RADIL: variants seen among roughly 807,000 people sequenced by gnomAD.
RADIL encodes ras-associating and dilute domain-containing protein.
Under a neutral mutation model 97.6 loss-of-function variants are expected in RADIL, and 99 were observed. That is an observed-to-expected ratio of 1.01 (90% CI 0.86 to 1.20). The LOEUF (loss-of-function observed/expected upper bound fraction) is 1.20. RADIL is among the 50% of genes most tolerant of loss of function. The pLI is 0.00. For missense variants in RADIL, 1,765 were observed against 1,498.9 expected, an observed-to-expected ratio of 1.18 and a Z score of -2.93; for synonymous variants, 803 against 691.8, an observed-to-expected ratio of 1.16 and a Z score of -2.52.
intron 2 of RADIL, among the ~76,000 whole-genome samples, chr7:4,847,416 T>C (rs1470607767): frequency 6.6e-6 from 1 of 152,174 alleles, no homozygotes; most frequent in African/African-American, 2.4e-5. Flanking sequence ...GGTGCAGCCA[T>C]TGTGGAGAAC....
intron 5 of RADIL, among the ~76,000 whole-genome samples, chr7:4,826,704 G>T (rs572797908): frequency 1.9e-4 from 28 of 148,356 alleles, no homozygotes; most frequent in Non-Finnish European, 2.7e-4. Context: ...CTATACTCCA[G>T]CTTGGGCAAC....
rs941885834 is a variant in RADIL, at chr7:4,849,804, C to G, written c.536-13199G>C. ...TTTCTGCGTACGCACAAAACGAACACAGATCACAATCTGTGTTGAAATAAA... is the reference window on the plus strand; with the variant it reads ...TTTCTGCGTACGCACAAAACGAACAGAGATCACAATCTGTGTTGAAATAAA... On this transcript the variant is annotated intron_variant, in intron 2 of 14. Transcript: ENST00000399583. This position sits in a 1 kb window ranked among gnomAD's most constrained non-coding sequence, Gnocchi z 5.4. Among the ~76,000 whole-genome samples, 27 of 152,144 alleles carry G rather than the reference C, an allele frequency of 1.8e-4. No homozygotes were observed. Among genetic ancestry groups the G allele is most frequent in the African/African-American group, 6.0e-4 (25 of 41,438 alleles).
intron 2 of RADIL, among the ~76,000 whole-genome samples, chr7:4,876,730 C>T (rs1044467658): frequency 5.3e-5 from 8 of 152,374 alleles, no homozygotes; most frequent in East Asian, 3.9e-4. Flanking sequence ...CAACGCCACC[C>T]GTGCTCTCGG....
intron 5 of RADIL, among the ~76,000 whole-genome samples, chr7:4,826,456 G>C (rs1261490559): frequency 6.6e-6 from 1 of 152,132 alleles, no homozygotes; most frequent in Non-Finnish European, 1.5e-5. Flanking sequence ...TCAGAAGCCA[G>C]TTGTGATGGC....
At chr7:4,881,489 G>A (rs1784486231) in intron 1 of RADIL, among the ~76,000 whole-genome samples, 2 of 151,496 alleles carry the variant, frequency 1.3e-5, no homozygotes, top group African/African-American at 4.9e-5. Context: ...CTCTTTGGGA[G>A]GCCGAGGCGG....
At chr7:4,803,016 A>C (rs1782163663) in intron 11 of RADIL, among the ~76,000 whole-genome samples, 1 of 55,612 alleles carries the variant, frequency 1.8e-5, no homozygotes, top group African/African-American at 1.8e-4. Context: ...CTCCCCGGGC[A>C]CCTCAGGGCA....
At chr7:4,811,625 C>G in intron 9 of RADIL, among the ~76,000 whole-genome samples, 1 of 150,710 alleles carries the variant, frequency 6.6e-6, no homozygotes. Flanking sequence ...GTAGCTGGGA[C>G]TACAGGCGCC....
rs1283015657 is a variant in RADIL, at chr7:4,797,445, C to CT, written c.*1932dup. 6.6e-6 allele frequency: 1 copy of CT among 152,220 alleles called. No individual in the cohort carries two copies. Among genetic ancestry groups the CT allele is most frequent in the Non-Finnish European group, 1.5e-5 (1 of 68,032 alleles). 9.4% of individuals were successfully genotyped at this position (152,220 alleles called of 1,614,324 possible). On this transcript the variant is annotated 3_prime_UTR_variant, in exon 15 of 15. Transcript: ENST00000399583. ...TTGCAGGGAAGAAGAGATAAGCCCC[C>CT]TTCTCTTTGTGGGAGGAACTGTTGG... is the stretch of plus-strand genomic sequence containing the variant.
intron 2 of RADIL, chr7:4,862,069 G>A: frequency 5.3e-6 from 2 of 376,652 alleles, no homozygotes; most frequent in Non-Finnish European, 9.4e-6. Context: ...CGCCGCCAGC[G>A]CGAGGGCTCA....
chr7:4,805,565 C>A lies in RADIL; in HGVS notation c.2290+1G>T, dbSNP rs751187157. 1 of 1,594,772 alleles carries A rather than the reference C, an allele frequency of 6.3e-7. No homozygotes were observed. The highest frequency in any genetic ancestry group is 8.6e-7 in the Non-Finnish European group (1 of 1,168,748). On this transcript the variant is annotated splice_donor_variant, in intron 10 of 14. Transcript: ENST00000399583. LOFTEE classifies it high-confidence loss of function. ...CTCTCCTGCCCTGGGGCAGGGCTTA[C>A]CTGACCTGAAGGCCTCGGGGCTGTC...
chr7:4,859,761 A>G, intron 2 of RADIL: 1 of 621,066 alleles, frequency 1.6e-6, no homozygotes, highest in Non-Finnish European at 2.9e-6. Context: ...ATGTTCCCTG[A>G]GAGGCCAATA....
At chr7:4,832,040 C>T (rs1030468291) in intron 5 of RADIL, 101 bp downstream of exon 5, 21 of 1,285,958 alleles carry the variant, frequency 1.6e-5, no homozygotes, top group Non-Finnish European at 2.1e-5. Flanking sequence ...AGAGCTGACC[C>T]CAAGGCGTGG....
At chr7:4,830,224 G>A (rs1377428965) in intron 5 of RADIL, among the ~76,000 whole-genome samples, 2 of 152,204 alleles carry the variant, frequency 1.3e-5, no homozygotes, top group East Asian at 3.8e-4. Flanking sequence ...CACTGAGAGA[G>A]CAGTGGCTGA....
chr7:4,815,253 C>T lies in RADIL; in HGVS notation c.2139+25G>A, dbSNP rs758970917. 151 of 1,512,028 alleles carry T rather than the reference C, an allele frequency of 1.0e-4. No individual in the cohort carries two copies. In the East Asian group the frequency reaches 3.4e-3, roughly 34 times the overall value. 93.7% of individuals were successfully genotyped at this position (1,512,028 alleles called of 1,614,324 possible). A position where few individuals can be genotyped will look rare whatever the true frequency, so the allele number is the denominator to read the frequency against. On this transcript the variant is annotated intron_variant, in intron 9 of 14. Transcript: ENST00000399583. This position sits in a 1 kb window ranked among gnomAD's most constrained non-coding sequence, Gnocchi z 8.0. The stretch of plus-strand genomic sequence containing the variant: ...ATGTGGCCCCGCCCCTCCCCACACT[C>T]GCCGCCTCCCATGCGCACCCCTACC...
intron 2 of RADIL, among the ~76,000 whole-genome samples, chr7:4,871,351 A>T (rs1363969540): frequency 6.6e-6 from 1 of 152,224 alleles, no homozygotes; most frequent in Admixed American, 6.5e-5. Flanking sequence ...ACAAGGGAGG[A>T]CAGAACTCAC....
At chr7:4,838,529 G>A (rs908732984) in intron 2 of RADIL, among the ~76,000 whole-genome samples, 1 of 152,112 alleles carries the variant, frequency 6.6e-6, no homozygotes, top group African/African-American at 2.4e-5. Context: ...CAAGTGGCTC[G>A]CAGCTGAGTG....
At chr7:4,825,143 C>A (rs1311206305) in intron 5 of RADIL, among the ~76,000 whole-genome samples, 2 of 151,434 alleles carry the variant, frequency 1.3e-5, no homozygotes, top group Non-Finnish European at 2.9e-5. Context: ...CGGGGGGGGA[C>A]AGCACAGCCT....
At chr7:4,857,281 C>T (rs901958473) in intron 2 of RADIL, among the ~76,000 whole-genome samples, 1 of 152,128 alleles carries the variant, frequency 6.6e-6, no homozygotes, top group Admixed American at 6.6e-5. Flanking sequence ...TTGTTATTAT[C>T]CCAGCTTCTT....
intron 12 of RADIL, among the ~76,000 whole-genome samples, chr7:4,801,348 C>T (rs1782077631): frequency 6.6e-6 from 1 of 152,246 alleles, no homozygotes. Context: ...TCTCCACTGG[C>T]TCAGCCATCC....
Sources: allele counts gnomAD v4.1 joint callset (sites outside exome capture counted in the v4.1 genomes callset), GRCh38; gene constraint gnomAD v4.1.1; non-coding constraint Gnocchi (gnomAD v3.1); transcripts MANE v1.5; gene names NCBI Gene and HGNC (gene_info 2026-07-23, HGNC 2026-07-21).